The following DACH2 variants were observed in gnomAD, a reference collection of about 807,000 sequenced individuals.
DACH2 encodes the protein dachshund family transcription factor 2.
A neutral mutation model predicts 35.8 loss-of-function variants in DACH2; 17 were observed. The ratio of observed to expected loss-of-function variants is 0.48; its 90% confidence interval spans 0.33 to 0.71. The LOEUF (loss-of-function observed/expected upper bound fraction) is 0.71. Among genes scored for constraint, DACH2 ranks in the 30% least tolerant of loss-of-function variants. The pLI is 0.02. For synonymous variants in DACH2, 195 were observed against 177.3 expected, an observed-to-expected ratio of 1.10 and a Z score of -0.79; for missense variants, 469 against 472.7, an observed-to-expected ratio of 0.99 and a Z score of 0.07.
chrX:86,294,222 C>T (rs1262085455), intron 1 of DACH2, among the ~76,000 whole-genome samples: 5 of 111,798 alleles, frequency 4.5e-5, no homozygotes, highest in African/African-American at 1.3e-4. Context: ...GCATCGGCTC[C>T]TGAGGCTTCT....
At chrX:86,413,330 G>C (rs2036646351) in intron 2 of DACH2, among the ~76,000 whole-genome samples, 1 of 112,188 alleles carries the variant, frequency 8.9e-6, no homozygotes, top group Non-Finnish European at 1.9e-5. Context: ...CTCGCCAGCT[G>C]AAGGCAAATT....
chrX:86,386,622 C>A (rs141526403), intron 2 of DACH2, among the ~76,000 whole-genome samples: 4,342 of 111,108 alleles, frequency 0.039, 106 homozygotes, highest in East Asian at 0.21. Context: ...GGGTTATAAT[C>A]CAGTACTACA....
chrX:86,401,984 AT>A (rs1320613907), intron 2 of DACH2, among the ~76,000 whole-genome samples: 1 of 111,932 alleles, frequency 8.9e-6, no homozygotes, highest in Non-Finnish European at 1.9e-5. Context: ...AAAATCCAAC[AT>A]TACTTTGTGA....
At chrX:86,703,360 C>G (rs768465720) in intron 5 of DACH2, among the ~76,000 whole-genome samples, 2 of 111,099 alleles carry the variant, frequency 1.8e-5, no homozygotes, top group African/African-American at 3.3e-5. Flanking sequence ...AGAACTGGAA[C>G]GAGAGAAGGT....
At chrX:86,637,578 C>T (rs2040290579) in intron 3 of DACH2, among the ~76,000 whole-genome samples, 1 of 111,547 alleles carries the variant, frequency 9.0e-6, no homozygotes, top group African/African-American at 3.3e-5. Flanking sequence ...TTTGTATGAA[C>T]GTGGATGGAT....
rs778843073 is a variant in DACH2, at chrX:86,685,320, T to A, written c.773-9701T>A. On this transcript the variant is annotated intron_variant, in intron 4 of 11. Transcript: ENST00000373125. Reference sequence around the variant, plus strand: ...CTCCTACTCTTTTTTTCCTCTGGATTCCTCTAATGATTGAGTGGTGAAGGC... The same window carrying A: ...CTCCTACTCTTTTTTTCCTCTGGATACCTCTAATGATTGAGTGGTGAAGGC... Among the ~76,000 whole-genome samples the A allele has an allele frequency of 9.8e-5, 11 of 112,212 alleles. No individual in the cohort carries two copies. The South Asian group carries it at 4.0e-3, about 41-fold the overall frequency.
intron 7 of DACH2, among the ~76,000 whole-genome samples, chrX:86,771,739 G>A (rs753931599): frequency 6.3e-5 from 7 of 111,448 alleles, no homozygotes; most frequent in Non-Finnish European, 9.4e-5. Context: ...TTAAATAAGC[G>A]TGTACCCTGC....
Position 86,349,540 on chromosome X carries a change from C to T in DACH2, c.489-27284C>T, listed in dbSNP as rs190090750. Among the ~76,000 whole-genome samples, 3 of 112,419 alleles carry T rather than the reference C, an allele frequency of 2.7e-5. No homozygotes were observed. The East Asian group carries it at 8.5e-4, about 32-fold the overall frequency. ...CCAGAAATGGAGCCCTCGCCAGGGA[C>T]CGTGCCCTTCTCCTCCCAGCACTTC... On this transcript the variant is annotated intron_variant, in intron 1 of 11. Transcript: ENST00000373125.
At chrX:86,527,612 G>A (rs2038652999) in intron 3 of DACH2, among the ~76,000 whole-genome samples, 2 of 112,053 alleles carry the variant, frequency 1.8e-5, no homozygotes, top group Admixed American at 9.5e-5. Flanking sequence ...TCAGACATTG[G>A]AGTTCTTTTA....
At chrX:86,243,598 C>G (rs2033216167) in intron 1 of DACH2, among the ~76,000 whole-genome samples, 1 of 111,199 alleles carries the variant, frequency 9.0e-6, no homozygotes, top group Admixed American at 9.6e-5. Flanking sequence ...TATTCAGAGA[C>G]AGTGGATTTA....
chrX:86,560,679 G>T (rs2039205617), intron 3 of DACH2, among the ~76,000 whole-genome samples: 1 of 82,313 alleles, frequency 1.2e-5, no homozygotes, highest in Non-Finnish European at 2.3e-5. Context: ...ATGGTGCTGG[G>T]AAAACTGGCT....
chrX:86,734,388 T>C (rs929485654), intron 6 of DACH2, among the ~76,000 whole-genome samples: 1 of 110,990 alleles, frequency 9.0e-6, no homozygotes, highest in Non-Finnish European at 1.9e-5. Context: ...ATCTAGAATA[T>C]TTTTTCTGAG....
chrX:86,614,325 T>C (rs1167971852), intron 3 of DACH2, among the ~76,000 whole-genome samples: 1 of 111,740 alleles, frequency 8.9e-6, no homozygotes, highest in East Asian at 2.8e-4. Flanking sequence ...AATTTATTTG[T>C]AATAATATAC....
intron 1 of DACH2, among the ~76,000 whole-genome samples, chrX:86,342,459 G>T (rs1291378122): frequency 9.0e-6 from 1 of 111,358 alleles, no homozygotes; most frequent in Non-Finnish European, 1.9e-5. Context: ...CAGTGATTAT[G>T]CCACTGCACT....
At chrX:86,815,696 C>T (rs886990337) in intron 10 of DACH2, among the ~76,000 whole-genome samples, 1 of 105,995 alleles carries the variant, frequency 9.4e-6, no homozygotes, top group African/African-American at 3.4e-5. Context: ...TCACATCTTA[C>T]AAAGGGAACA....
In DACH2 at chrX:86,468,641, C is replaced by A. The variant is rs891238788; in HGVS notation, c.528-45638C>A. ...AGAATACCATTCTATATGCCGATTC[C>A]AAGTATGTTATTCCCAGAAATTTAT... On this transcript the variant is annotated intron_variant, in intron 2 of 11. Coordinates refer to ENST00000373125, the MANE Select transcript of DACH2 (RefSeq NM_053281.3). 3.6e-5 allele frequency among the ~76,000 whole-genome samples: 4 copies of A among 111,342 alleles called. No homozygotes were observed. In the Admixed American group the frequency reaches 3.9e-4, roughly 11 times the overall value.
intron 1 of DACH2, among the ~76,000 whole-genome samples, chrX:86,223,752 G>A (rs1239066921): frequency 8.9e-6 from 1 of 112,082 alleles, no homozygotes; most frequent in Non-Finnish European, 1.9e-5. Context: ...ATCACAGTTT[G>A]TCTCCCTGAC....
At chrX:86,399,770 T>A (rs1005873671) in intron 2 of DACH2, among the ~76,000 whole-genome samples, 2 of 111,789 alleles carry the variant, frequency 1.8e-5, no homozygotes, top group Non-Finnish European at 3.8e-5. Context: ...TGATGGGCTT[T>A]CCTTTGTGGG....
chrX:86,196,087 A>G (rs1274323863), intron 1 of DACH2, among the ~76,000 whole-genome samples: 1 of 111,629 alleles, frequency 9.0e-6, no homozygotes, highest in Non-Finnish European at 1.9e-5. Flanking sequence ...AACTGGGCTG[A>G]GATGGCTGAA....
Sources: allele counts gnomAD v4.1 joint callset (sites outside exome capture counted in the v4.1 genomes callset), GRCh38; gene constraint gnomAD v4.1.1; transcripts MANE v1.5; gene names NCBI Gene and HGNC (gene_info 2026-07-23, HGNC 2026-07-21).